TENM3: variants seen among roughly 807,000 people sequenced by gnomAD.
The protein encoded by TENM3 is teneurin-3.
In TENM3, 63 loss-of-function variants were observed where a neutral mutation model predicts 255.1. That is an observed-to-expected ratio of 0.25 (90% CI 0.20 to 0.30). The LOEUF is 0.30. Ranked by LOEUF, TENM3 falls within the 10% of genes least tolerant of loss-of-function variation. The pLI, the probability that TENM3 is intolerant of heterozygous loss-of-function variation, is 1.00. For synonymous variants in TENM3, 1,306 were observed against 1,322.3 expected, an observed-to-expected ratio of 0.99 and a Z score of 0.27; for missense variants, 2,929 against 3,461.1, an observed-to-expected ratio of 0.85 and a Z score of 3.86.
the TENM3 span, among the ~76,000 whole-genome samples, chr4:182,040,772 CCTT>C: frequency 6.6e-6 from 1 of 152,168 alleles, no homozygotes; most frequent in Non-Finnish European, 1.5e-5. Flanking sequence ...ATTTCTTACT[CCTT>C]CTCTTTGCCT....
rs1188624502 is a variant in TENM3, at chr4:182,399,914, G to T, written c.511+52985G>T. ...ATTCCTAGCTTTGCAGAGTCTTGGTGGTGAAATTTATGAATTAACTGGCAC... is the reference window on the plus strand; with the variant it reads ...ATTCCTAGCTTTGCAGAGTCTTGGTTGTGAAATTTATGAATTAACTGGCAC... On this transcript the variant is annotated intron_variant, in intron 3 of 27. Coordinates refer to ENST00000511685, the MANE Select transcript of TENM3 (RefSeq NM_001080477.4). Among the ~76,000 whole-genome samples, 3 of 151,988 alleles carry T rather than the reference G, an allele frequency of 2.0e-5. No homozygotes were observed. In the East Asian group the frequency reaches 5.8e-4, roughly 29 times the overall value.
At chr4:181,888,618 G>A in the TENM3 span, among the ~76,000 whole-genome samples, 27 of 111,784 alleles carry the variant, frequency 2.4e-4, no homozygotes, top group South Asian at 1.9e-3. Flanking sequence ...GTGTGTGTGT[G>A]GAAAGAGAGA....
At chr4:181,554,772 G>A in the TENM3 span, among the ~76,000 whole-genome samples, 1 of 152,172 alleles carries the variant, frequency 6.6e-6, no homozygotes, top group Non-Finnish European at 1.5e-5. Context: ...CTGTTAAATA[G>A]TCCCTTTGAA....
At chr4:181,603,512 A>G in the TENM3 span, among the ~76,000 whole-genome samples, 1 of 152,196 alleles carries the variant, frequency 6.6e-6, no homozygotes, top group Admixed American at 6.5e-5. Flanking sequence ...CTAATCCTGG[A>G]CAAAAGTTAA....
At chr4:181,813,355 T>G in the TENM3 span, among the ~76,000 whole-genome samples, 1 of 152,140 alleles carries the variant, frequency 6.6e-6, no homozygotes, top group African/African-American at 2.4e-5. Flanking sequence ...CTCTGAGCAC[T>G]TAGGAATAAT....
At chr4:182,168,830 C>G (rs1048752256) in intron 1 of TENM3, among the ~76,000 whole-genome samples, 14 of 151,886 alleles carry the variant, frequency 9.2e-5, no homozygotes, top group African/African-American at 3.1e-4. Context: ...CCCATTTTAT[C>G]TCTTCATTTA....
intron 1 of TENM3, among the ~76,000 whole-genome samples, chr4:182,218,049 C>T (rs771331782): frequency 4.6e-5 from 7 of 152,154 alleles, no homozygotes; most frequent in East Asian, 3.9e-4. Context: ...TGTTAGGCAA[C>T]GTTCTAAGGA....
chr4:181,564,144 G>C, the TENM3 span, among the ~76,000 whole-genome samples: 36 of 148,128 alleles, frequency 2.4e-4, no homozygotes, highest in Non-Finnish European at 4.6e-4. Context: ...AGATTCAAGT[G>C]ATTCTCCTGC....
chr4:181,644,402 T>C, the TENM3 span, among the ~76,000 whole-genome samples: 16 of 150,884 alleles, frequency 1.1e-4, no homozygotes, highest in South Asian at 2.1e-3. Context: ...CTAAACAGAA[T>C]TGCCTGCAAA....
At chr4:182,546,804 A>G (rs1279908689) in intron 3 of TENM3, among the ~76,000 whole-genome samples, 2 of 152,198 alleles carry the variant, frequency 1.3e-5, no homozygotes, top group Non-Finnish European at 2.9e-5. Flanking sequence ...AAGTGTGTCC[A>G]AGAGTTAATC....
chr4:182,048,278 T>C, the TENM3 span, among the ~76,000 whole-genome samples: 1 of 152,326 alleles, frequency 6.6e-6, no homozygotes, highest in African/African-American at 2.4e-5. Flanking sequence ...ATATTTTATT[T>C]AGTAAGCATT....
chr4:181,467,160 C>T, the TENM3 span, among the ~76,000 whole-genome samples: 1 of 104,112 alleles, frequency 9.6e-6, no homozygotes, highest in Admixed American at 1.1e-4. Context: ...GGCAGAGTCT[C>T]GCTCTGTTCC....
chr4:182,694,876 T>G (rs547050319), intron 12 of TENM3, among the ~76,000 whole-genome samples: 3 of 152,334 alleles, frequency 2.0e-5, no homozygotes, highest in South Asian at 4.1e-4. Context: ...GTGTTCTAAT[T>G]CTTATCTCAG....
intron 3 of TENM3, among the ~76,000 whole-genome samples, chr4:182,369,110 A>C (rs911995380): frequency 6.6e-6 from 1 of 152,190 alleles, no homozygotes; most frequent in African/African-American, 2.4e-5. Context: ...GATAATTGCT[A>C]AGGATTTTGG....
At chr4:182,417,691 T>G (rs1273784763) in intron 3 of TENM3, among the ~76,000 whole-genome samples, 1 of 152,204 alleles carries the variant, frequency 6.6e-6, no homozygotes, top group Non-Finnish European at 1.5e-5. Context: ...AAATAGGTAT[T>G]AGGACAACAA....
the TENM3 span, among the ~76,000 whole-genome samples, chr4:181,840,162 T>C: frequency 2.8e-4 from 42 of 152,104 alleles, no homozygotes; most frequent in African/African-American, 9.9e-4. Context: ...TTTCCTTAGG[T>C]GTGTCTAAAC....
At chr4:181,696,143 C>T in the TENM3 span, among the ~76,000 whole-genome samples, 1 of 152,160 alleles carries the variant, frequency 6.6e-6, no homozygotes, top group African/African-American at 2.4e-5. Context: ...AGTGGAATTA[C>T]ATTCCAGCTA....
chr4:181,473,777 A>T, the TENM3 span, among the ~76,000 whole-genome samples: 1 of 151,070 alleles, frequency 6.6e-6, no homozygotes, highest in Non-Finnish European at 1.5e-5. Context: ...GTACACATAC[A>T]TACCTATGTA....
intron 3 of TENM3, among the ~76,000 whole-genome samples, chr4:182,417,453 G>A (rs1472545042): frequency 6.6e-6 from 1 of 151,992 alleles, no homozygotes; most frequent in East Asian, 1.9e-4. Context: ...TATTGTGAAT[G>A]GTATATCCTT....
Sources: gnomAD v4.1 joint callset for allele counts (sites outside exome capture counted in the v4.1 genomes callset) on GRCh38, gnomAD v4.1.1 for gene constraint, MANE v1.5 for transcripts, NCBI Gene and HGNC (gene_info 2026-07-23, HGNC 2026-07-21) for gene names.